The following PHF20 variants were observed in gnomAD, a reference collection of about 807,000 sequenced individuals.
The protein encoded by PHF20 is glioma-expressed antigen 2.
PHF20 carries 23 observed loss-of-function variants against 113.5 expected under a neutral mutation model. The observed-to-expected ratio is 0.20, with a 90% CI of 0.15 to 0.29. PHF20 has a LOEUF of 0.29. Among genes scored for constraint, PHF20 ranks in the 10% least tolerant of loss-of-function variants. The pLI is 1.00. For missense variants in PHF20, 943 were observed against 1,219.6 expected (o/e 0.77, Z 3.38); for synonymous variants, 434 against 457.3 (o/e 0.95, Z 0.65).
At chr20:35,917,366 C>T in intron 12 of PHF20, 118 bp from the exon 13 acceptor site, 1 of 906,946 alleles carries the variant, frequency 1.1e-6, no homozygotes, top group Non-Finnish European at 1.8e-6. Flanking sequence ...TTTCCTTGCC[C>T]TATGAATGTT....
chr20:35,854,053 C>T lies in PHF20; in HGVS notation c.341-4249C>T, dbSNP rs116910480. On this transcript the variant is annotated intron_variant, in intron 4 of 17. Coordinates refer to ENST00000374012, the MANE Select transcript of PHF20 (RefSeq NM_016436.5). Reference sequence around the variant, plus strand: ...ACAGGCGTGAGCCACCATGCCCGGCCGATGAAGACCCTGTTTCTAAGAAAA... The same window carrying T: ...ACAGGCGTGAGCCACCATGCCCGGCTGATGAAGACCCTGTTTCTAAGAAAA... 2.1e-3 allele frequency among the ~76,000 whole-genome samples: 321 copies of T among 152,108 alleles called. 1 individual carries two copies. The highest frequency in any genetic ancestry group is 3.9e-3 in the Non-Finnish European group (263 of 68,000).
At chr20:35,945,462 G>A (rs1006076911) in intron 17 of PHF20, among the ~76,000 whole-genome samples, 1 of 152,232 alleles carries the variant, frequency 6.6e-6, no homozygotes, top group Non-Finnish European at 1.5e-5. Context: ...CTTCCCTAAA[G>A]AATAGCTCAC....
At chr20:35,924,118 T>G (rs1307912324) in intron 13 of PHF20, among the ~76,000 whole-genome samples, 20 of 152,168 alleles carry the variant, frequency 1.3e-4, no homozygotes, top group Non-Finnish European at 1.5e-5. Flanking sequence ...ACATTCACAT[T>G]GCTTTGCAAC....
At chr20:35,906,797 A>G (rs1228630239) in intron 10 of PHF20, among the ~76,000 whole-genome samples, 2 of 152,172 alleles carry the variant, frequency 1.3e-5, no homozygotes, top group East Asian at 1.9e-4. Context: ...CTATGGAAGA[A>G]GTGGAGAAAT....
In PHF20 at chr20:35,851,765, A is replaced by G. The variant is rs190329527; in HGVS notation, c.340+4331A>G. On this transcript the variant is annotated intron_variant, in intron 4 of 17. Transcript: ENST00000374012. ...CCTAGTATCTACTAAAAATAGAAAA[A>G]TTAACCTGGCGTGGTAGCATGTGCC... 2.2e-4 allele frequency among the ~76,000 whole-genome samples: 34 copies of G among 152,122 alleles called. No individual in the cohort carries two copies. The East Asian group carries it at 6.4e-3, about 29-fold the overall frequency.
At chr20:35,796,211 C>A (rs2041664193) in intron 1 of PHF20, among the ~76,000 whole-genome samples, 1 of 152,022 alleles carries the variant, frequency 6.6e-6, no homozygotes, top group African/African-American at 2.4e-5. Context: ...CATCTACTCT[C>A]TGTAAAGTTA....
intron 4 of PHF20, among the ~76,000 whole-genome samples, chr20:35,847,657 T>C (rs1042549342): frequency 6.6e-6 from 1 of 152,218 alleles, no homozygotes; most frequent in Non-Finnish European, 1.5e-5. Flanking sequence ...ATTTCAGTCA[T>C]TGTTTTCTAA....
chr20:35,787,891 C>T (rs2041455604), intron 1 of PHF20, among the ~76,000 whole-genome samples: 1 of 152,082 alleles, frequency 6.6e-6, no homozygotes, highest in Non-Finnish European at 1.5e-5. Flanking sequence ...GATTCTCCTG[C>T]CTCAGCCTCC....
chr20:35,877,059 A>G (rs1186004573), intron 9 of PHF20, among the ~76,000 whole-genome samples: 9 of 146,588 alleles, frequency 6.1e-5, no homozygotes, highest in Non-Finnish European at 1.0e-4. Flanking sequence ...GTGAGCCTAG[A>G]TCATGCCACT....
intron 2 of PHF20, among the ~76,000 whole-genome samples, chr20:35,809,102 G>A (rs1048249550): frequency 6.6e-6 from 1 of 151,518 alleles, no homozygotes; most frequent in African/African-American, 2.4e-5. Flanking sequence ...TAAATTAGTT[G>A]GGTGTGGTGG....
intron 9 of PHF20, among the ~76,000 whole-genome samples, chr20:35,896,661 C>T (rs909215028): frequency 6.6e-6 from 1 of 150,810 alleles, no homozygotes; most frequent in Non-Finnish European, 1.5e-5. Flanking sequence ...AAAAACTGGA[C>T]GTGGTGGTGG....
chr20:35,911,376 A>G (rs1373428535), intron 10 of PHF20, among the ~76,000 whole-genome samples: 4 of 152,084 alleles, frequency 2.6e-5, no homozygotes, highest in Non-Finnish European at 5.9e-5. Flanking sequence ...AAAGTCTTCC[A>G]TTGTGTGGAT....
intron 3 of PHF20, chr20:35,845,636 G>A (rs11907143): frequency 0.01 from 1,613 of 157,552 alleles, 21 homozygotes; most frequent in African/African-American, 0.036. Context: ...AAGATCCTTC[G>A]TACCTCCCAA....
At chr20:35,907,376 C>T (rs1034710559) in intron 10 of PHF20, among the ~76,000 whole-genome samples, 1 of 152,174 alleles carries the variant, frequency 6.6e-6, no homozygotes, top group Non-Finnish European at 1.5e-5. Flanking sequence ...GCTCTCTGAT[C>T]CAGAGCCTGG....
chr20:35,775,412 C>G (rs2041152091), intron 1 of PHF20, among the ~76,000 whole-genome samples: 2 of 152,122 alleles, frequency 1.3e-5, no homozygotes, highest in South Asian at 4.2e-4. Context: ...GCCATAGTCC[C>G]CTTTATTAGT....
At chr20:35,900,035 CA>C (rs2147058644) in intron 10 of PHF20, among the ~76,000 whole-genome samples, 1 of 152,274 alleles carries the variant, frequency 6.6e-6, no homozygotes, top group African/African-American at 2.4e-5. Flanking sequence ...GCACGATAAC[CA>C]AAAGGTGATA....
At chr20:35,880,699 G>T (rs1043152227) in intron 9 of PHF20, among the ~76,000 whole-genome samples, 1 of 152,124 alleles carries the variant, frequency 6.6e-6, no homozygotes, top group Non-Finnish European at 1.5e-5. Flanking sequence ...GGTGGCTCAT[G>T]CCTGTAATTC....
intron 2 of PHF20, among the ~76,000 whole-genome samples, chr20:35,816,044 T>G (rs1005824424): frequency 6.6e-6 from 1 of 151,470 alleles, no homozygotes; most frequent in East Asian, 2.0e-4. Context: ...GCAACCTCCA[T>G]CTCCGGGGTT....
At chr20:35,840,780 A>G (rs1200207204) in intron 2 of PHF20, among the ~76,000 whole-genome samples, 1 of 152,170 alleles carries the variant, frequency 6.6e-6, no homozygotes, top group Non-Finnish European at 1.5e-5. Flanking sequence ...TGGAAGCTTG[A>G]TAGGCCTTGT....
Sources: allele counts gnomAD v4.1 joint callset (sites outside exome capture counted in the v4.1 genomes callset), GRCh38; gene constraint gnomAD v4.1.1; transcripts MANE v1.5; gene names NCBI Gene and HGNC (gene_info 2026-07-23, HGNC 2026-07-21).